Variants in SCFD2 observed in about 807,000 individuals in gnomAD.
SCFD2 encodes sec1 family domain-containing protein 2.
SCFD2 carries 54 observed loss-of-function variants against 58.9 expected under a neutral mutation model. The observed-to-expected ratio is 0.92, with a 90% CI of 0.74 to 1.15. The LOEUF (loss-of-function observed/expected upper bound fraction) is 1.15. SCFD2 is among the 50% of genes most tolerant of loss of function. The probability of loss-of-function intolerance (pLI) is 0.00; values close to 1 mark genes in which losing one functional copy is unlikely to be tolerated. For missense variants in SCFD2, 805 were observed against 836.6 expected (o/e 0.96, Z 0.47); for synonymous variants, 321 against 335.9 (o/e 0.96, Z 0.49).
chr4:53,140,571 AT>A lies in SCFD2; in HGVS notation c.1561+4761del, dbSNP rs936131438. Among the ~76,000 whole-genome samples, 4 of 151,922 alleles carry A rather than the reference AT, an allele frequency of 2.6e-5. No individual in the cohort carries two copies. In the South Asian group the frequency reaches 6.2e-4, roughly 24 times the overall value. The stretch of plus-strand genomic sequence containing the variant: ...ACAATGCAGAAACTAAAGAGGATGC[AT>A]TCATAAAAATAGGGAGGTATGGCAG... On this transcript the variant is annotated intron_variant, in intron 5 of 8. Coordinates refer to ENST00000401642, the MANE Select transcript of SCFD2 (RefSeq NM_152540.4).
intron 5 of SCFD2, among the ~76,000 whole-genome samples, chr4:53,070,294 A>C (rs1723779021): frequency 6.6e-6 from 1 of 152,126 alleles, no homozygotes. Flanking sequence ...TGCTACTTAA[A>C]ACTAGGTAAA....
At chr4:52,874,257 C>A (rs1718417820) in intron 8 of SCFD2, among the ~76,000 whole-genome samples, 196 bp from the exon 9 acceptor site, 3 of 152,184 alleles carry the variant, frequency 2.0e-5, no homozygotes. Flanking sequence ...GGGGCACAGT[C>A]TGGGACAGAT....
chr4:53,275,117 G>A lies in SCFD2; in HGVS notation c.1136-1116C>T, dbSNP rs116320158. On this transcript the variant is annotated intron_variant, in intron 3 of 8. Coordinates refer to ENST00000401642, the MANE Select transcript of SCFD2 (RefSeq NM_152540.4). ...ATGGCAACTCCTTGAGGTAGAAAAC[G>A]AGGCTTGTGCTGCATCTATTAGTCC... 7.4e-3 allele frequency among the ~76,000 whole-genome samples: 1,121 copies of A among 152,276 alleles called. 7 individuals carry two copies. Among genetic ancestry groups the A allele is most frequent in the African/African-American group, 0.026 (1,064 of 41,546 alleles).
intron 5 of SCFD2, among the ~76,000 whole-genome samples, chr4:52,979,820 T>A (rs1721334881): frequency 6.6e-6 from 1 of 152,182 alleles, no homozygotes; most frequent in Non-Finnish European, 1.5e-5. Context: ...ATTTCCCCTC[T>A]GCACACCTAC....
chr4:53,138,021 C>A lies in SCFD2; in HGVS notation c.1561+7312G>T, dbSNP rs540008409. On this transcript the variant is annotated intron_variant, in intron 5 of 8. Transcript: ENST00000401642. ...AAGAGTCTCGTCCACTTACCTCAAT[C>A]TACTATGCAAACATTCTCATTGTCT... is the stretch of plus-strand genomic sequence containing the variant. Among the ~76,000 whole-genome samples, 4 of 152,276 alleles carry A rather than the reference C, an allele frequency of 2.6e-5. No individual in the cohort carries two copies. In the South Asian group the frequency reaches 8.3e-4, roughly 32 times the overall value.
intron 4 of SCFD2, among the ~76,000 whole-genome samples, chr4:53,154,022 A>T (rs1726589629): frequency 6.6e-6 from 1 of 152,146 alleles, no homozygotes; most frequent in South Asian, 2.1e-4. Flanking sequence ...CCACTCTCTA[A>T]TAAGCTCCAA....
At chr4:52,969,714 A>C (rs1721049369) in intron 5 of SCFD2, among the ~76,000 whole-genome samples, 1 of 152,194 alleles carries the variant, frequency 6.6e-6, no homozygotes, top group Non-Finnish European at 1.5e-5. Flanking sequence ...AGTGACTATG[A>C]TAAGCAGAGC....
chr4:53,194,831 G>A (rs143290370), intron 4 of SCFD2, among the ~76,000 whole-genome samples: 1 of 152,004 alleles, frequency 6.6e-6, no homozygotes, highest in Non-Finnish European at 1.5e-5. Flanking sequence ...ACACACGAGC[G>A]ACACTCTGTC....
intron 5 of SCFD2, among the ~76,000 whole-genome samples, chr4:53,128,183 TAAGG>T (rs1262588717): frequency 2.6e-5 from 4 of 152,058 alleles, no homozygotes; most frequent in African/African-American, 9.7e-5. Context: ...AAGATAATAC[TAAGG>T]AAGTAATTAA....
intron 5 of SCFD2, among the ~76,000 whole-genome samples, chr4:52,934,739 A>G (rs1309788327): frequency 6.6e-6 from 1 of 152,254 alleles, no homozygotes. Context: ...GCACAAGGAT[A>G]TAAGTTCCAA....
At position 53,207,921 on chromosome 4, in the gene SCFD2, C is replaced by G. The variant is rs184004508; in HGVS notation, c.1312-62339G>C. 2.0e-3 allele frequency among the ~76,000 whole-genome samples: 296 copies of G among 150,880 alleles called. 3 individuals are homozygous for G. Among genetic ancestry groups the G allele is most frequent in the African/African-American group, 6.7e-3 (276 of 41,092 alleles). On this transcript the variant is annotated intron_variant, in intron 4 of 8. Coordinates refer to ENST00000401642, the MANE Select transcript of SCFD2 (RefSeq NM_152540.4). Reference sequence around the variant, plus strand: ...TTAAACCTCTTTTCTTTAAAGATTACTCAGTCTCAGGTATTTCTTTTTTCT... The same window carrying G: ...TTAAACCTCTTTTCTTTAAAGATTAGTCAGTCTCAGGTATTTCTTTTTTCT...
At chr4:52,976,937 T>G (rs1432278997) in intron 5 of SCFD2, among the ~76,000 whole-genome samples, 1 of 152,166 alleles carries the variant, frequency 6.6e-6, no homozygotes. Flanking sequence ...TTTTCTCATC[T>G]GAAAAATGAG....
At position 53,225,609 on chromosome 4, in the gene SCFD2, T is replaced by C. The variant is rs186251361; in HGVS notation, c.1311+48217A>G. 2.0e-3 allele frequency among the ~76,000 whole-genome samples: 309 copies of C among 152,344 alleles called. 1 individual carries two copies. Among genetic ancestry groups the C allele is most frequent in the African/African-American group, 7.1e-3 (296 of 41,598 alleles). On this transcript the variant is annotated intron_variant, in intron 4 of 8. Coordinates refer to ENST00000401642, the MANE Select transcript of SCFD2 (RefSeq NM_152540.4). ...TAATAATAATGGCTAAAATTTGTTG[T>C]GTTTTCTATGTTATTGCCAAAGGGC...
chr4:53,064,060 C>G (rs1723589326), intron 5 of SCFD2, among the ~76,000 whole-genome samples: 1 of 151,682 alleles, frequency 6.6e-6, no homozygotes, highest in Non-Finnish European at 1.5e-5. Flanking sequence ...TTCATTTTTT[C>G]TTGGTAATAG....
intron 4 of SCFD2, among the ~76,000 whole-genome samples, chr4:53,199,062 T>C (rs1486589692): frequency 2.0e-5 from 3 of 152,116 alleles, no homozygotes; most frequent in Non-Finnish European, 4.4e-5. Context: ...AATTAGTTTC[T>C]CACCAACCAA....
intron 5 of SCFD2, among the ~76,000 whole-genome samples, chr4:53,126,112 T>A (rs1196141047): frequency 2.6e-5 from 4 of 152,110 alleles, no homozygotes; most frequent in Admixed American, 1.3e-4. Flanking sequence ...CTAAGGGATA[T>A]CTGTGGCATT....
intron 5 of SCFD2, among the ~76,000 whole-genome samples, chr4:52,999,748 C>T (rs775530787): frequency 8.5e-5 from 13 of 152,178 alleles, no homozygotes; most frequent in Non-Finnish European, 1.6e-4. Flanking sequence ...GGGTAAACCA[C>T]GACTTCTTTG....
intron 5 of SCFD2, among the ~76,000 whole-genome samples, chr4:52,959,472 G>A (rs148215475): frequency 0.011 from 1,628 of 152,188 alleles, 13 homozygotes; most frequent in Non-Finnish European, 0.012. Flanking sequence ...TGAGAACCCC[G>A]TGTACATGAT....
intron 5 of SCFD2, among the ~76,000 whole-genome samples, chr4:52,933,680 C>A (rs113562382): frequency 6.6e-6 from 1 of 152,144 alleles, no homozygotes; most frequent in Non-Finnish European, 1.5e-5. Flanking sequence ...CTTAGCTTCT[C>A]ATTTCCCAGA....
Sources: allele counts gnomAD v4.1 joint callset (sites outside exome capture counted in the v4.1 genomes callset), GRCh38; gene constraint gnomAD v4.1.1; transcripts MANE v1.5; gene names NCBI Gene and HGNC (gene_info 2026-07-23, HGNC 2026-07-21).